Variants in ZCWPW2 observed in about 807,000 individuals in gnomAD.
The protein encoded by ZCWPW2 is zinc finger CW-type PWWP domain protein 2.
In ZCWPW2, 45 loss-of-function variants were observed where a neutral mutation model predicts 46.6. The ratio of observed to expected loss-of-function variants is 0.96; its 90% CI spans 0.76 to 1.24. ZCWPW2 has a LOEUF of 1.24. ZCWPW2 is among the 50% of genes most tolerant of loss of function. ZCWPW2 has a pLI of 0.00. For synonymous variants in ZCWPW2, 152 were observed against 137.1 expected, an observed-to-expected ratio of 1.11 and a Z score of -0.76; for missense variants, 429 against 403.9, an observed-to-expected ratio of 1.06 and a Z score of -0.53.
chr3:28,437,946 A>G (rs1697566656), intron 4 of ZCWPW2, among the ~76,000 whole-genome samples: 1 of 152,104 alleles, frequency 6.6e-6, no homozygotes, highest in Non-Finnish European at 1.5e-5. Context: ...TGAACTCTGG[A>G]GTCTATTGAA....
intron 6 of ZCWPW2, among the ~76,000 whole-genome samples, chr3:28,497,285 G>C (rs746741698): frequency 9.3e-5 from 14 of 150,364 alleles, no homozygotes; most frequent in Non-Finnish European, 7.4e-5. Context: ...AATGTTTTGT[G>C]ATTTTTTTTT....
intron 4 of ZCWPW2, among the ~76,000 whole-genome samples, chr3:28,471,122 C>T (rs1159937995): frequency 6.6e-6 from 1 of 152,104 alleles, no homozygotes; most frequent in Non-Finnish European, 1.5e-5. Context: ...AAAAGTCTCC[C>T]AGCAAAGAAA....
At chr3:28,489,668 GCACACACACACACACA>G in intron 5 of ZCWPW2, among the ~76,000 whole-genome samples, 1 of 39,586 alleles carries the variant, frequency 2.5e-5, no homozygotes, top group East Asian at 1.1e-3. Flanking sequence ...ACACACGCGC[GCACACACACACACACA>G]CACACACACA....
At chr3:28,441,664 A>G (rs1697764274) in intron 4 of ZCWPW2, among the ~76,000 whole-genome samples, 2 of 152,068 alleles carry the variant, frequency 1.3e-5, no homozygotes, top group South Asian at 4.1e-4. Context: ...CCACTTCCCC[A>G]TGTACCTTAC....
intron 7 of ZCWPW2, 118 bp from the exon 8 acceptor site, chr3:28,515,436 T>C (rs1351693051): frequency 1.3e-5 from 10 of 771,082 alleles, no homozygotes; most frequent in Non-Finnish European, 2.1e-5. Flanking sequence ...ACCAAGAGAA[T>C]TACCTTTAGA....
chr3:28,409,094 A>G (rs559668858), intron 2 of ZCWPW2, among the ~76,000 whole-genome samples: 2 of 142,842 alleles, frequency 1.4e-5, no homozygotes, highest in South Asian at 4.5e-4. Context: ...TATTCCCGAT[A>G]CTCCAGATGG....
rs529591018 is a variant in ZCWPW2, at chr3:28,440,510, A to T, written c.492+5241A>T. Reference sequence around the variant, plus strand: ...AAACAGTACCATATAATGGATGCTGATTCAGAACATATGCAGCCTTCTGGA... The same window carrying T: ...AAACAGTACCATATAATGGATGCTGTTTCAGAACATATGCAGCCTTCTGGA... On this transcript the variant is annotated intron_variant, in intron 4 of 9. Coordinates refer to ENST00000383768, the MANE Select transcript of ZCWPW2 (RefSeq NM_001040432.4). Among the ~76,000 whole-genome samples, 3 of 152,294 alleles carry T rather than the reference A, an allele frequency of 2.0e-5. No individual in the cohort carries two copies. The East Asian group carries it at 5.8e-4, about 29-fold the overall frequency.
intron 1 of ZCWPW2, among the ~76,000 whole-genome samples, chr3:28,364,824 C>A (rs1225469859): frequency 1.3e-5 from 2 of 152,120 alleles, no homozygotes; most frequent in Admixed American, 1.3e-4. Context: ...TCCTCTCCAG[C>A]ACCTATTGTT....
intron 1 of ZCWPW2, among the ~76,000 whole-genome samples, chr3:28,380,916 C>A (rs1695025329): frequency 2.0e-5 from 2 of 98,892 alleles, no homozygotes; most frequent in African/African-American, 3.9e-5. Flanking sequence ...TGAACTTTAC[C>A]AAATATATAT....
chr3:28,450,142 C>T (rs1197648929), intron 4 of ZCWPW2, among the ~76,000 whole-genome samples: 3 of 152,136 alleles, frequency 2.0e-5, no homozygotes, highest in African/African-American at 4.8e-5. Flanking sequence ...GAGAGAGAAC[C>T]TCTGATTAAG....
chr3:28,357,797 T>A lies in ZCWPW2; in HGVS notation c.-134+8594T>A, dbSNP rs909192383. ...ACATATAATATATAGTTGGTATATT[T>A]TATATATATATATATATATATATCT... On this transcript the variant is annotated intron_variant, in intron 1 of 9. Coordinates refer to ENST00000383768, the MANE Select transcript of ZCWPW2 (RefSeq NM_001040432.4). Among the ~76,000 whole-genome samples the A allele has an allele frequency of 8.5e-5, 12 of 140,416 alleles. No individual in the cohort carries two copies. The South Asian group carries it at 8.9e-4, about 10-fold the overall frequency. The allele number at this position is 140,416 out of a possible 152,430, so 92.1% of individuals were successfully genotyped here.
At chr3:28,356,858 G>C (rs891465534) in intron 1 of ZCWPW2, among the ~76,000 whole-genome samples, 1 of 152,118 alleles carries the variant, frequency 6.6e-6, no homozygotes, top group African/African-American at 2.4e-5. Flanking sequence ...CTGTCGTGGG[G>C]TGGGAGAAGG....
Position 28,357,539 on chromosome 3 carries a change from G to A in ZCWPW2, c.-134+8336G>A, listed in dbSNP as rs150891739. 7.4e-3 allele frequency among the ~76,000 whole-genome samples: 1,124 copies of A among 152,024 alleles called. 46 individuals carry two copies. The highest frequency in any genetic ancestry group is 0.065 in the Admixed American group (994 of 15,256). ...GGGCAGCATCATCCAATCCACTGAG[G>A]GCCTGACTAGAACCAAAGGTAGACA... On this transcript the variant is annotated intron_variant, in intron 1 of 9. Coordinates refer to ENST00000383768, the MANE Select transcript of ZCWPW2 (RefSeq NM_001040432.4).
At chr3:28,366,999 A>C (rs1705142621) in intron 1 of ZCWPW2, among the ~76,000 whole-genome samples, 1 of 152,016 alleles carries the variant, frequency 6.6e-6, no homozygotes. Context: ...ACCCCCTTTT[A>C]ACATTTTTTA....
chr3:28,520,060 A>G (rs1489736982), intron 8 of ZCWPW2, among the ~76,000 whole-genome samples: 2 of 144,260 alleles, frequency 1.4e-5, no homozygotes, highest in Non-Finnish European at 3.0e-5. Flanking sequence ...GCTGGAGTGC[A>G]GTGGTGTGAT....
At chr3:28,436,058 A>G (rs1303820866) in intron 4 of ZCWPW2, among the ~76,000 whole-genome samples, 1 of 152,150 alleles carries the variant, frequency 6.6e-6, no homozygotes, top group Admixed American at 6.5e-5. Context: ...ATTAATAGAT[A>G]GATTATTAGA....
intron 4 of ZCWPW2, among the ~76,000 whole-genome samples, chr3:28,454,874 C>T (rs1191718432): frequency 6.6e-6 from 1 of 152,152 alleles, no homozygotes; most frequent in African/African-American, 2.4e-5. Flanking sequence ...TTTTCTTTAT[C>T]CAATCTATCA....
chr3:28,373,789 T>G (rs1705417668), intron 1 of ZCWPW2, among the ~76,000 whole-genome samples: 1 of 152,166 alleles, frequency 6.6e-6, no homozygotes, highest in African/African-American at 2.4e-5. Flanking sequence ...TTGTATGTCT[T>G]TTAAGAAATG....
chr3:28,409,989 A>G (rs1251115798), intron 2 of ZCWPW2, among the ~76,000 whole-genome samples: 1 of 152,088 alleles, frequency 6.6e-6, no homozygotes, highest in Non-Finnish European at 1.5e-5. Flanking sequence ...GGTAAAAGTA[A>G]AGGGATGGTA....
Sources: gnomAD v4.1 joint callset for allele counts (sites outside exome capture counted in the v4.1 genomes callset) on GRCh38, gnomAD v4.1.1 for gene constraint, MANE v1.5 for transcripts, NCBI Gene and HGNC (gene_info 2026-07-23, HGNC 2026-07-21) for gene names.